Variants in RNF32 observed in about 807,000 individuals in gnomAD.
The protein encoded by RNF32 is ring finger protein 32.
RNF32 carries 36 observed loss-of-function variants against 41.0 expected under a neutral mutation model. The ratio of observed to expected loss-of-function variants is 0.88; its 90% CI spans 0.67 to 1.16. RNF32 has a LOEUF of 1.16. RNF32 is among the 50% of genes most tolerant of loss of function. RNF32 has a pLI of 0.00. For synonymous variants in RNF32, 154 were observed against 160.9 expected, an observed-to-expected ratio of 0.96 and a Z score of 0.32; for missense variants, 413 against 436.7, an observed-to-expected ratio of 0.95 and a Z score of 0.48.
Position 156,677,063 on chromosome 7 carries a change from A to G in RNF32, c.*408A>G, listed in dbSNP as rs1302581467. 1 of 162,102 alleles carries G rather than the reference A, an allele frequency of 6.2e-6. No individual in the cohort carries two copies. Among genetic ancestry groups the G allele is most frequent in the Non-Finnish European group, 1.4e-5 (1 of 73,608 alleles). The allele number at this position is 162,102 out of a possible 1,614,324, so 10.0% of individuals were successfully genotyped here. On this transcript the variant is annotated 3_prime_UTR_variant, in exon 9 of 9. Transcript: ENST00000317955. The stretch of plus-strand genomic sequence containing the variant: ...TGCCATTCCTAATACTCGTTTTGTA[A>G]TAATTGCTGTATTTCTGTGTAATAA...
intron 4 of RNF32, among the ~76,000 whole-genome samples, chr7:156,655,472 G>T (rs922050158): frequency 6.6e-6 from 1 of 152,318 alleles, no homozygotes; most frequent in East Asian, 1.9e-4. Context: ...TACGCTTCCT[G>T]CATAGCAGGC....
chr7:156,651,753 C>A (rs75414062), intron 3 of RNF32, among the ~76,000 whole-genome samples: 2,813 of 152,274 alleles, frequency 0.018, 89 homozygotes, highest in African/African-American at 0.065. Context: ...ACCTGAAGTT[C>A]TGTCTCATTT....
chr7:156,658,407 ATTGGT>A, intron 6 of RNF32, 50 bp from the exon 7 acceptor site: 2 of 1,523,378 alleles, frequency 1.3e-6, no homozygotes, highest in Non-Finnish European at 1.8e-6. Flanking sequence ...CTACTGAAGT[ATTGGT>A]TGACATAGAG....
rs773380312 is a variant in RNF32 at position 156,644,551 on chromosome 7, A to G, written c.68A>G (p.Asp23Gly). ...GCAGTCAATGCAGTTGCTTTACAAGATCACATTTTACATGATCTTCAACTT... is the reference window on the plus strand; with the variant it reads ...GCAGTCAATGCAGTTGCTTTACAAGGTCACATTTTACATGATCTTCAACTT... ...NLAVNAVALQ[D>G]HILHDLQLRN... is the part of the protein sequence containing the mutation. Residue 23 changes from aspartate to glycine, a missense_variant, in exon 3 of 9, where the codon GAT (aspartate) becomes GGT (glycine). By Grantham distance (94) the Asp-to-Gly change is moderately conservative. Coordinates refer to ENST00000317955, the MANE Select transcript of RNF32 (RefSeq NM_030936.4). 1.4e-5 allele frequency: 22 copies of G among 1,612,506 alleles called. No individual in the cohort carries two copies. In the East Asian group the frequency reaches 4.7e-4, roughly 34 times the overall value.
chr7:156,673,792 C>T (rs552972969), intron 7 of RNF32, among the ~76,000 whole-genome samples: 8 of 151,978 alleles, frequency 5.3e-5, no homozygotes, highest in Non-Finnish European at 4.4e-5. Flanking sequence ...CGCTGTCTCA[C>T]GATCTTTTTG....
At chr7:156,666,985 C>T (rs577952277) in intron 7 of RNF32, among the ~76,000 whole-genome samples, 1 of 152,296 alleles carries the variant, frequency 6.6e-6, no homozygotes, top group Admixed American at 6.5e-5. Flanking sequence ...TTAGGGGCTG[C>T]TGGCTCCCAC....
intron 7 of RNF32, among the ~76,000 whole-genome samples, chr7:156,671,416 C>T (rs1357604534): frequency 1.3e-5 from 2 of 152,082 alleles, no homozygotes; most frequent in Admixed American, 1.3e-4. Context: ...TGATACCTGA[C>T]GAAAGAGATT....
chr7:156,657,659 A>C, intron 5 of RNF32, 86 bp downstream of exon 5: 2 of 1,278,036 alleles, frequency 1.6e-6, no homozygotes, highest in South Asian at 2.4e-5. Context: ...AAGGCTCCTA[A>C]GGAGAGCCAT....
At chr7:156,657,906 A>G (rs1193540971) in intron 5 of RNF32, among the ~76,000 whole-genome samples, 1 of 152,164 alleles carries the variant, frequency 6.6e-6, no homozygotes, top group Non-Finnish European at 1.5e-5. Context: ...GAAGTTTTTG[A>G]TGTCTCTGCA....
Position 156,658,451 on chromosome 7 carries a change from C to A in RNF32, c.576-11C>A. ...TCATAAATTAGTCATTTTCAAATAT[C>A]TGTGTTTTAGAATCCAAGCCTACTG... On this transcript the variant is annotated splice_polypyrimidine_tract_variant and intron_variant, in intron 6 of 8. Coordinates refer to ENST00000317955, the MANE Select transcript of RNF32 (RefSeq NM_030936.4). The A allele has an allele frequency of 6.3e-7, 1 of 1,599,226 alleles. No homozygotes were observed. The highest frequency in any genetic ancestry group is 8.6e-7 in the Non-Finnish European group (1 of 1,166,832).
chr7:156,640,471 T>C (rs1584982897), upstream of RNF32: 2 of 360,508 alleles, frequency 5.5e-6, no homozygotes, highest in African/African-American at 2.3e-5. Flanking sequence ...AGCCCGCGGC[T>C]CCCGAACACC....
intron 7 of RNF32, among the ~76,000 whole-genome samples, chr7:156,667,614 T>A (rs1801541017): frequency 6.6e-6 from 1 of 152,186 alleles, no homozygotes; most frequent in South Asian, 2.1e-4. Flanking sequence ...ACTAAGGTCA[T>A]CTAACCCACA....
intron 4 of RNF32, among the ~76,000 whole-genome samples, chr7:156,655,239 G>GCA (rs57235616): frequency 0.1 from 15,177 of 148,496 alleles, 911 homozygotes; most frequent in South Asian, 0.18. Flanking sequence ...ACACGCGCGC[G>GCA]CACACACACA....
chr7:156,658,423 T>C (rs757269842), intron 6 of RNF32, 39 bp from the exon 7 acceptor site: 1 of 1,548,830 alleles, frequency 6.5e-7, no homozygotes, highest in Non-Finnish European at 8.9e-7. Context: ...TGACATAGAG[T>C]CATCATAAAT....
intron 1 of RNF32, among the ~76,000 whole-genome samples, chr7:156,642,718 C>G (rs970003071): frequency 6.6e-6 from 1 of 152,224 alleles, no homozygotes; most frequent in African/African-American, 2.4e-5. Flanking sequence ...AGGGCACACT[C>G]ACACTCACTC....
intron 7 of RNF32, among the ~76,000 whole-genome samples, chr7:156,668,623 C>G (rs1457119516): frequency 1.3e-5 from 2 of 152,250 alleles, no homozygotes; most frequent in East Asian, 3.8e-4. Context: ...CCCAAGAAGC[C>G]TGGCGATCCC....
At chr7:156,675,571 A>G (rs1216933942) in intron 7 of RNF32, 125 bp from the exon 8 acceptor site, 2 of 732,162 alleles carry the variant, frequency 2.7e-6, no homozygotes, top group East Asian at 2.6e-5. Context: ...CTATTTCCCT[A>G]AAAAGTATTA....
At chr7:156,658,821 G>T in intron 7 of RNF32, 1 of 1,264,138 alleles carries the variant, frequency 7.9e-7, no homozygotes, top group Non-Finnish European at 1.1e-6. Flanking sequence ...ACTTCTGTTT[G>T]GCCATTTTGT....
Position 156,670,046 on chromosome 7 carries a change from C to T in RNF32, c.685-5650C>T, listed in dbSNP as rs899305852. ...GTGGTCATGTAGTTTTTTTTATTTGCTGTTTATTTAATGTTATTCTAAGAA... is the reference window on the plus strand; with the variant it reads ...GTGGTCATGTAGTTTTTTTTATTTGTTGTTTATTTAATGTTATTCTAAGAA... On this transcript the variant is annotated intron_variant, in intron 7 of 8. Coordinates refer to ENST00000317955, the MANE Select transcript of RNF32 (RefSeq NM_030936.4). This position sits in a 1 kb window ranked among gnomAD's most constrained non-coding sequence, Gnocchi z 4.3. Among the ~76,000 whole-genome samples the T allele has an allele frequency of 3.3e-5, 5 of 152,034 alleles. No homozygotes were observed. The highest frequency in any genetic ancestry group is 2.1e-4 in the South Asian group (1 of 4,818).
Sources: gnomAD v4.1 joint callset for allele counts (sites outside exome capture counted in the v4.1 genomes callset) on GRCh38, gnomAD v4.1.1 for gene constraint, Gnocchi (gnomAD v3.1) non-coding constraint, MANE v1.5 for transcripts, NCBI Gene and HGNC (gene_info 2026-07-23, HGNC 2026-07-21) for gene names.